RALYL: variants seen among roughly 807,000 people sequenced by gnomAD.
The protein encoded by RALYL is RNA-binding Raly-like protein.
Under a neutral mutation model 35.1 loss-of-function variants are expected in RALYL, and 29 were observed. That is an observed-to-expected ratio of 0.83 (90% CI 0.61 to 1.13). RALYL has a LOEUF of 1.13. RALYL is among the 50% of genes most tolerant of loss of function. The pLI is 0.00. For synonymous variants in RALYL, 120 were observed against 127.6 expected (o/e 0.94, Z 0.40); for missense variants, 359 against 360.4 (o/e 1.00, Z 0.03).
At chr8:84,286,321 G>A (rs1163268963) in intron 1 of RALYL, among the ~76,000 whole-genome samples, 3 of 152,176 alleles carry the variant, frequency 2.0e-5, no homozygotes, top group African/African-American at 2.4e-5. Flanking sequence ...GCGGAAATAA[G>A]AATATGGTGA....
At chr8:84,223,209 C>CAT (rs1554578639) in intron 1 of RALYL, among the ~76,000 whole-genome samples, 7 of 88,868 alleles carry the variant, frequency 7.9e-5, no homozygotes, top group African/African-American at 3.9e-4. Context: ...CCTTCCATTC[C>CAT]TCCCTTCCCT....
chr8:84,640,168 T>C (rs962204792), intron 2 of RALYL, among the ~76,000 whole-genome samples: 4 of 151,992 alleles, frequency 2.6e-5, no homozygotes, highest in Non-Finnish European at 5.9e-5. Context: ...TGTAAAACAA[T>C]AGTTACTCAT....
At chr8:84,199,975 A>T (rs1276825396) in intron 1 of RALYL, among the ~76,000 whole-genome samples, 1 of 152,158 alleles carries the variant, frequency 6.6e-6, no homozygotes, top group Non-Finnish European at 1.5e-5. Context: ...TAGATCCTCT[A>T]ATTTAATTTT....
intron 1 of RALYL, among the ~76,000 whole-genome samples, chr8:84,506,507 G>T (rs2057176811): frequency 6.6e-6 from 1 of 151,826 alleles, no homozygotes; most frequent in Non-Finnish European, 1.5e-5. Flanking sequence ...AAAATATTTT[G>T]TAAAGTATTC....
At chr8:84,727,665 T>A in intron 2 of RALYL, among the ~76,000 whole-genome samples, 1 of 130,034 alleles carries the variant, frequency 7.7e-6, no homozygotes, top group East Asian at 2.6e-4. Flanking sequence ...ATGTTCCCCT[T>A]CCTGTGTCCA....
chr8:84,314,722 A>AC (rs1290905854), intron 1 of RALYL, among the ~76,000 whole-genome samples: 1 of 151,836 alleles, frequency 6.6e-6, no homozygotes, highest in African/African-American at 2.4e-5. Flanking sequence ...ACAAAGTGAG[A>AC]CCCCATCGTT....
chr8:84,430,623 G>A (rs1563918339), intron 1 of RALYL, among the ~76,000 whole-genome samples: 2 of 151,938 alleles, frequency 1.3e-5, no homozygotes, highest in Admixed American at 1.3e-4. Context: ...AAAAAATCAT[G>A]TTTTTTATAA....
At chr8:84,422,169 A>G (rs1215913470) in intron 1 of RALYL, among the ~76,000 whole-genome samples, 1 of 126,666 alleles carries the variant, frequency 7.9e-6, no homozygotes, top group African/African-American at 3.3e-5. Flanking sequence ...CTGTGAATCT[A>G]TCTGGTCCTG....
chr8:84,203,802 T>C (rs1478120628), intron 1 of RALYL, among the ~76,000 whole-genome samples: 1 of 152,138 alleles, frequency 6.6e-6, no homozygotes, highest in East Asian at 1.9e-4. Flanking sequence ...TTATTTATTC[T>C]CATATTCTGG....
At chr8:84,432,789 A>G (rs2047281504) in intron 1 of RALYL, among the ~76,000 whole-genome samples, 1 of 152,100 alleles carries the variant, frequency 6.6e-6, no homozygotes, top group Non-Finnish European at 1.5e-5. Context: ...CCAAGGAATA[A>G]CAAAGATGAC....
At chr8:84,248,712 T>C (rs1018812930) in intron 1 of RALYL, among the ~76,000 whole-genome samples, 3 of 152,086 alleles carry the variant, frequency 2.0e-5, no homozygotes, top group African/African-American at 7.2e-5. Flanking sequence ...ATCTATCATA[T>C]TGAATGTTGG....
intron 8 of RALYL, among the ~76,000 whole-genome samples, chr8:84,890,782 G>A (rs1843696160): frequency 6.9e-6 from 1 of 144,286 alleles, no homozygotes; most frequent in Non-Finnish European, 1.5e-5. Flanking sequence ...GTTCAAAGTT[G>A]CATTTTTGTC....
At chr8:84,468,709 A>C (rs1324706837) in intron 1 of RALYL, among the ~76,000 whole-genome samples, 2 of 150,618 alleles carry the variant, frequency 1.3e-5, no homozygotes, top group Non-Finnish European at 3.0e-5. Context: ...AGACTGGGGA[A>C]GTTCTCCTGG....
chr8:84,814,169 G>A (rs929843999), intron 4 of RALYL, among the ~76,000 whole-genome samples: 6 of 152,082 alleles, frequency 3.9e-5, no homozygotes, highest in African/African-American at 1.4e-4. Flanking sequence ...CATAAGAATT[G>A]CTCATAAATG....
Position 84,529,328 on chromosome 8 carries a change from G to A in RALYL, c.7G>A (p.Gly3Ser). 4.5e-6 allele frequency: 7 copies of A among 1,571,544 alleles called. No homozygotes were observed. The highest frequency in any genetic ancestry group is 6.1e-6 in the Non-Finnish European group (7 of 1,156,330). Residue 3 changes from glycine (G) to serine (S), a missense_variant, in exon 2 of 9, where the codon GGC becomes AGC. Gly to Ser is a moderately conservative substitution (Grantham distance 56). Transcript: ENST00000521268. ...AAAGCAAGGAGAGCCAATCATGACT[G>A]GCAAAACACAGACCAGCAACGTCAC... MT[G>S]KTQTSNVTNK...
At chr8:84,354,982 T>C (rs1298251557) in intron 1 of RALYL, among the ~76,000 whole-genome samples, 1 of 150,262 alleles carries the variant, frequency 6.7e-6, no homozygotes, top group African/African-American at 2.5e-5. Flanking sequence ...TTCTATCTCA[T>C]GCGCATCACA....
At chr8:84,764,306 C>T (rs572725806) in intron 2 of RALYL, among the ~76,000 whole-genome samples, 101 of 152,068 alleles carry the variant, frequency 6.6e-4, no homozygotes, top group Middle Eastern at 3.4e-3. Context: ...GTTTGTTTAC[C>T]CAAACTTTAG....
intron 3 of RALYL, among the ~76,000 whole-genome samples, chr8:84,796,983 C>A (rs994461866): frequency 4.6e-5 from 7 of 152,126 alleles, no homozygotes; most frequent in Admixed American, 2.0e-4. Flanking sequence ...ATTCAGACTC[C>A]GTCACTTTGC....
chr8:84,863,943 G>A (rs1012503316), intron 6 of RALYL, among the ~76,000 whole-genome samples: 1 of 152,118 alleles, frequency 6.6e-6, no homozygotes, highest in African/African-American at 2.4e-5. Flanking sequence ...ACCCCAATGT[G>A]GAGTATACAC....
Sources: gnomAD v4.1 joint callset for allele counts (sites outside exome capture counted in the v4.1 genomes callset) on GRCh38, gnomAD v4.1.1 for gene constraint, MANE v1.5 for transcripts, NCBI Gene and HGNC (gene_info 2026-07-23, HGNC 2026-07-21) for gene names.